The following BICD1 variants were observed in gnomAD, a reference collection of about 807,000 sequenced individuals.
The protein encoded by BICD1 is protein bicaudal D homolog 1.
In BICD1, 35 loss-of-function variants were observed where a neutral mutation model predicts 92.5. That is an observed-to-expected ratio of 0.38 (90% CI 0.29 to 0.50). BICD1 has a LOEUF of 0.50. Ranked by LOEUF, BICD1 falls within the 20% of genes least tolerant of loss-of-function variation. The probability of loss-of-function intolerance (pLI) is 0.93; values close to 1 mark genes in which losing one functional copy is unlikely to be tolerated. For synonymous variants in BICD1, 429 were observed against 465.1 expected (o/e 0.92, Z 1.00); for missense variants, 950 against 1,189.8 (o/e 0.80, Z 2.97).
intron 4 of BICD1, among the ~76,000 whole-genome samples, chr12:32,315,964 C>T (rs1368071153): frequency 3.3e-5 from 5 of 151,922 alleles, no homozygotes; most frequent in South Asian, 2.1e-4. Context: ...GGTGAAACCC[C>T]GTCTCTACTA....
chr12:32,126,343 A>T (rs1942337882), intron 1 of BICD1, among the ~76,000 whole-genome samples: 1 of 152,060 alleles, frequency 6.6e-6, no homozygotes. Flanking sequence ...TGTAGAAAGG[A>T]TGAAATCTTA....
Position 32,151,851 on chromosome 12 carries a change from T to C in BICD1, c.213+44307T>C, listed in dbSNP as rs1236781367. ...CTTCCCTACCCCCAGTTTCCCTTTT[T>C]CTCCTTCCCTGTGGCCATAGTGGAA... On this transcript the variant is annotated intron_variant, in intron 1 of 9. Transcript: ENST00000652176. Among the ~76,000 whole-genome samples the C allele has an allele frequency of 4.6e-5, 7 of 152,192 alleles. No individual in the cohort carries two copies. The East Asian group carries it at 1.3e-3, about 29-fold the overall frequency.
At chr12:32,111,601 TTTTTATTTTA>T (rs775629454) in intron 1 of BICD1, among the ~76,000 whole-genome samples, 5 of 152,122 alleles carry the variant, frequency 3.3e-5, no homozygotes, top group African/African-American at 4.8e-5. Context: ...TGTTTTTATT[TTTTTATTTTA>T]TTTTATTTTA....
At chr12:32,333,757 T>TTG (rs1292339283) in intron 5 of BICD1, among the ~76,000 whole-genome samples, 3 of 152,218 alleles carry the variant, frequency 2.0e-5, no homozygotes, top group Admixed American at 6.5e-5. Flanking sequence ...GTTTTTTTAC[T>TTG]TGTGTGTGTG....
At chr12:32,186,387 G>A (rs1944423935) in intron 1 of BICD1, among the ~76,000 whole-genome samples, 1 of 152,198 alleles carries the variant, frequency 6.6e-6, no homozygotes, top group Non-Finnish European at 1.5e-5. Context: ...GTGGTCACAT[G>A]TGGGTAGTGG....
At chr12:32,334,816 G>A (rs2291420) in intron 6 of BICD1, 149 bp downstream of exon 6, 182,274 of 811,070 alleles carry the variant, frequency 0.22, 25,165 homozygotes, top group East Asian at 0.66. Flanking sequence ...CCACTCTGAC[G>A]TATCTAAAAG....
At chr12:32,246,319 A>AAAT (rs1946386865) in intron 2 of BICD1, among the ~76,000 whole-genome samples, 1 of 149,634 alleles carries the variant, frequency 6.7e-6, no homozygotes, top group Non-Finnish European at 1.5e-5. Flanking sequence ...GGAAAAAAAA[A>AAAT]AAAAAAAAGG....
In BICD1 at chr12:32,337,912, GAAGC is replaced by G. The variant is rs967235775; in HGVS notation, c.2570+99_2570+102del. ...TCTTGTTGTGGAGGATGGAGGAGGG[GAAGC>G]AAAAGAAAAAATGGGAGCTGGCATA... On this transcript the variant is annotated intron_variant, in intron 7 of 9. Coordinates refer to ENST00000652176, the MANE Select transcript of BICD1 (RefSeq NM_001714.4). The surrounding 1 kb of genome is among the most constrained non-coding windows in gnomAD (Gnocchi z 4.7). The G allele has an allele frequency of 1.4e-6, 2 of 1,398,924 alleles. No individual in the cohort carries two copies. Among genetic ancestry groups the G allele is most frequent in the African/African-American group, 2.9e-5 (2 of 69,784 alleles). The allele number at this position is 1,398,924 out of a possible 1,614,324, so 86.7% of individuals were successfully genotyped here.
chr12:32,276,996 C>A (rs142136750), intron 2 of BICD1, among the ~76,000 whole-genome samples: 152 of 152,302 alleles, frequency 1.0e-3, no homozygotes, highest in African/African-American at 3.5e-3. Context: ...GACGTCCCCC[C>A]CTACTTTTAG....
At chr12:32,218,474 A>T (rs1945422520) in intron 2 of BICD1, among the ~76,000 whole-genome samples, 1 of 152,218 alleles carries the variant, frequency 6.6e-6, no homozygotes, top group African/African-American at 2.4e-5. Context: ...TCTGGAAACC[A>T]CATATTAAGA....
intron 8 of BICD1, among the ~76,000 whole-genome samples, chr12:32,362,219 G>T (rs1939357105): frequency 6.6e-6 from 1 of 152,238 alleles, no homozygotes. Flanking sequence ...AATTGGCCGG[G>T]CATGGTGGTG....
intron 1 of BICD1, among the ~76,000 whole-genome samples, chr12:32,128,675 T>C (rs118160087): frequency 2.0e-4 from 31 of 152,354 alleles, no homozygotes; most frequent in Middle Eastern, 3.4e-3. Flanking sequence ...GTTTATAGTT[T>C]ATATTTTCAA....
chr12:32,289,165 G>A (rs541542989), intron 2 of BICD1, among the ~76,000 whole-genome samples: 96 of 152,254 alleles, frequency 6.3e-4, no homozygotes, highest in Admixed American at 3.6e-3. Context: ...ACAGAGGTAG[G>A]GCCAGATCAT....
chr12:32,372,436 C>T (rs547512899), intron 9 of BICD1, among the ~76,000 whole-genome samples: 1 of 152,204 alleles, frequency 6.6e-6, no homozygotes, highest in Admixed American at 6.5e-5. Context: ...ACCAAGATCA[C>T]GCTTGGACAA....
intron 2 of BICD1, among the ~76,000 whole-genome samples, chr12:32,290,334 T>C (rs560023493): frequency 6.6e-6 from 1 of 152,344 alleles, no homozygotes; most frequent in African/African-American, 2.4e-5. Context: ...TTTATGATGA[T>C]AAGATACAGA....
At chr12:32,267,279 G>GT (rs1947023346) in intron 2 of BICD1, among the ~76,000 whole-genome samples, 1 of 152,184 alleles carries the variant, frequency 6.6e-6, no homozygotes. Context: ...ACAATGAACT[G>GT]TAATTAAATA....
intron 3 of BICD1, among the ~76,000 whole-genome samples, chr12:32,298,549 A>G (rs1240809529): frequency 1.8e-5 from 2 of 112,736 alleles, no homozygotes; most frequent in East Asian, 2.8e-4. Context: ...TGGGTGACAC[A>G]GTGAGACTCC....
chr12:32,176,967 GTTAC>G (rs1458946700), intron 1 of BICD1, among the ~76,000 whole-genome samples: 4 of 151,140 alleles, frequency 2.6e-5, no homozygotes, highest in Non-Finnish European at 5.9e-5. Flanking sequence ...GTAGTTATAT[GTTAC>G]TTACTGTTTT....
intron 1 of BICD1, among the ~76,000 whole-genome samples, chr12:32,150,828 C>T (rs939898222): frequency 1.3e-5 from 2 of 152,048 alleles, no homozygotes; most frequent in African/African-American, 4.8e-5. Flanking sequence ...AAAGATATTG[C>T]AGAGACAAGA....
Sources: gnomAD v4.1 joint callset for allele counts (sites outside exome capture counted in the v4.1 genomes callset) on GRCh38, gnomAD v4.1.1 for gene constraint, Gnocchi (gnomAD v3.1) non-coding constraint, MANE v1.5 for transcripts, NCBI Gene and HGNC (gene_info 2026-07-23, HGNC 2026-07-21) for gene names.